The following SLC36A1 variants were observed in gnomAD, a reference collection of about 807,000 sequenced individuals.
SLC36A1 encodes the protein proton-coupled amino acid transporter 1.
SLC36A1 carries 30 observed loss-of-function variants against 47.5 expected under a neutral mutation model. The ratio of observed to expected loss-of-function variants is 0.63; its 90% CI spans 0.47 to 0.86. SLC36A1 has a LOEUF of 0.86. Ranked by LOEUF, SLC36A1 falls within the 40% of genes least tolerant of loss-of-function variation. The pLI, the probability that SLC36A1 is intolerant of heterozygous loss-of-function variation, is 0.00. For missense variants in SLC36A1, 517 were observed against 606.0 expected, an observed-to-expected ratio of 0.85 and a Z score of 1.54; for synonymous variants, 255 against 249.7, an observed-to-expected ratio of 1.02 and a Z score of -0.20.
At chr5:151,396,105 T>G in the SLC36A1 span, among the ~76,000 whole-genome samples, 11 of 147,554 alleles carry the variant, frequency 7.5e-5, no homozygotes, top group Non-Finnish European at 1.6e-4. Flanking sequence ...CCACTGTACC[T>G]GGACTTATTC....
the SLC36A1 span, chr5:151,506,032 G>C: frequency 3.8e-6 from 6 of 1,568,958 alleles, no homozygotes; most frequent in African/African-American, 1.4e-5. Flanking sequence ...ACTTCGGAGT[G>C]GGGGTATTCC....
chr5:151,544,984 G>A, the SLC36A1 span: 6 of 1,614,168 alleles, frequency 3.7e-6, no homozygotes, highest in South Asian at 5.5e-5. Flanking sequence ...CACCCGCTGA[G>A]GTGTCCGATT....
chr5:151,523,029 C>T, the SLC36A1 span, among the ~76,000 whole-genome samples: 1 of 152,136 alleles, frequency 6.6e-6, no homozygotes, highest in South Asian at 2.1e-4. Context: ...GACAGGCTTG[C>T]CTTCTTCTCC....
chr5:151,398,382 T>C, the SLC36A1 span, among the ~76,000 whole-genome samples: 1 of 152,214 alleles, frequency 6.6e-6, no homozygotes, highest in African/African-American at 2.4e-5. Context: ...CCCGCAGTAA[T>C]GCAGGTGTGC....
the SLC36A1 span, among the ~76,000 whole-genome samples, chr5:151,362,389 CTTTTT>C: frequency 1.8e-5 from 2 of 109,010 alleles, no homozygotes; most frequent in African/African-American, 4.2e-5. Flanking sequence ...ATTGATTCTT[CTTTTT>C]TTTTTTTTTT....
the SLC36A1 span, chr5:151,543,000 T>C: frequency 1.1e-4 from 170 of 1,614,158 alleles, 3 homozygotes; most frequent in South Asian, 1.4e-3. Context: ...CAATCCCAAT[T>C]TCAGACCCCT....
the SLC36A1 span, among the ~76,000 whole-genome samples, chr5:151,363,209 G>T: frequency 6.6e-6 from 1 of 152,232 alleles, no homozygotes; most frequent in Non-Finnish European, 1.5e-5. Flanking sequence ...AGGTCCCAAA[G>T]GGGATAGCCA....
chr5:151,398,868 CA>C, the SLC36A1 span, among the ~76,000 whole-genome samples: 1 of 151,938 alleles, frequency 6.6e-6, no homozygotes, highest in Non-Finnish European at 1.5e-5. Flanking sequence ...GGCACCACTT[CA>C]AATTGAGGAT....
At chr5:151,464,909 G>A (rs1453588963) in intron 4 of SLC36A1, among the ~76,000 whole-genome samples, 165 bp from the exon 5 acceptor site, 4 of 152,056 alleles carry the variant, frequency 2.6e-5, no homozygotes, top group African/African-American at 4.8e-5. Context: ...CCATCCTGTC[G>A]ACTGAATACT....
At chr5:151,506,182 C>T in the SLC36A1 span, 1,520 of 1,407,094 alleles carry the variant, frequency 1.1e-3, 17 homozygotes, top group African/African-American at 0.02. Context: ...TATAACCTAG[C>T]GAGTGGTGGA....
the SLC36A1 span, among the ~76,000 whole-genome samples, chr5:151,516,401 A>G: frequency 6.6e-6 from 1 of 152,106 alleles, no homozygotes; most frequent in Non-Finnish European, 1.5e-5. Context: ...CTGTAATTCC[A>G]GCTACTCCAG....
chr5:151,350,184 G>A, the SLC36A1 span, among the ~76,000 whole-genome samples: 1 of 151,526 alleles, frequency 6.6e-6, no homozygotes, highest in Non-Finnish European at 1.5e-5. Context: ...GCTGATGAAT[G>A]TGACTCCTTC....
At chr5:151,546,197 C>T in the SLC36A1 span, 7 of 1,614,004 alleles carry the variant, frequency 4.3e-6, no homozygotes, top group Middle Eastern at 1.6e-4. Context: ...ATCACTGTAG[C>T]CAGGTCATGC....
At chr5:151,403,793 T>C in the SLC36A1 span, among the ~76,000 whole-genome samples, 2 of 152,340 alleles carry the variant, frequency 1.3e-5, no homozygotes, top group African/African-American at 2.4e-5. Context: ...GTATGCTTGG[T>C]ATAATTTCTG....
the SLC36A1 span, among the ~76,000 whole-genome samples, chr5:151,540,364 T>C: frequency 6.6e-6 from 1 of 151,760 alleles, no homozygotes; most frequent in Non-Finnish European, 1.5e-5. Context: ...CCCCTCACTC[T>C]CTGTTCTCCT....
the SLC36A1 span, among the ~76,000 whole-genome samples, chr5:151,497,450 T>A: frequency 2.4e-3 from 370 of 152,364 alleles, 1 homozygote; most frequent in African/African-American, 8.5e-3. Context: ...TACTTGATCA[T>A]TGTATACTAT....
rs571651307 is a variant in SLC36A1, at chr5:151,441,997, G to A, written c.-6+4818G>A. On this transcript the variant is annotated intron_variant, in intron 1 of 8. Transcript: ENST00000429484. ...GTTTTCCATTACTTTATATTATTTT[G>A]TATTTTCTAGAATATTATATAAATG... 5.3e-5 allele frequency among the ~76,000 whole-genome samples: 8 copies of A among 151,880 alleles called. No individual in the cohort carries two copies. In the South Asian group the frequency reaches 1.7e-3, roughly 32 times the overall value.
At chr5:151,495,534 T>G (rs375875760), downstream of SLC36A1, among the ~76,000 whole-genome samples, 14 of 152,242 alleles carry the variant, frequency 9.2e-5, no homozygotes, top group South Asian at 2.9e-3. Context: ...TACTCATTTG[T>G]GTGTGTGTGT....
chr5:151,517,560 C>A, the SLC36A1 span: 1 of 1,601,878 alleles, frequency 6.2e-7, no homozygotes, highest in Non-Finnish European at 8.5e-7. Context: ...TCATGCCTCA[C>A]CCCCTACCTC....
Sources: gnomAD v4.1 joint callset for allele counts (sites outside exome capture counted in the v4.1 genomes callset) on GRCh38, gnomAD v4.1.1 for gene constraint, MANE v1.5 for transcripts, NCBI Gene and HGNC (gene_info 2026-07-23, HGNC 2026-07-21) for gene names.